HPS5: variants seen among roughly 807,000 people sequenced by gnomAD.
The protein encoded by HPS5 is HPS5 biogenesis of lysosomal organelles complex 2 subunit 2, also known as BLOC-2 complex member HPS5.
A neutral mutation model predicts 128.0 loss-of-function variants in HPS5; 83 were observed. That is an observed-to-expected ratio of 0.65 (90% CI 0.54 to 0.78). HPS5 has a LOEUF of 0.78. Among genes scored for constraint, HPS5 ranks in the 30% least tolerant of loss-of-function variants. The pLI is 0.00. For missense variants in HPS5, 1,281 were observed against 1,326.2 expected, an observed-to-expected ratio of 0.97 and a Z score of 0.53; for synonymous variants, 475 against 470.2, an observed-to-expected ratio of 1.01 and a Z score of -0.13.
At chr11:18,306,080 G>A (rs1237026694) in intron 7 of HPS5, 55 bp downstream of exon 7, 17 of 1,227,870 alleles carry the variant, frequency 1.4e-5, no homozygotes, top group East Asian at 4.6e-5. Flanking sequence ...GATTTTCACC[G>A]AACCTCTATA....
intron 8 of HPS5, among the ~76,000 whole-genome samples, chr11:18,303,032 T>A (rs1316303928): frequency 6.6e-6 from 1 of 152,082 alleles, no homozygotes; most frequent in Non-Finnish European, 1.5e-5. Flanking sequence ...AATGGGGACA[T>A]AAGCCTAACA....
At chr11:18,280,193 C>A (rs924774471) in intron 22 of HPS5, among the ~76,000 whole-genome samples, 3 of 152,132 alleles carry the variant, frequency 2.0e-5, no homozygotes, top group Non-Finnish European at 4.4e-5. Flanking sequence ...AACACCCAAC[C>A]TGATTCAACA....
At chr11:18,309,217 G>C in intron 5 of HPS5, 138 bp from the exon 6 acceptor site, 3 of 808,086 alleles carry the variant, frequency 3.7e-6, no homozygotes, top group South Asian at 1.6e-5. Context: ...TAATTTGCTT[G>C]TAAGGATATC....
rs373739888 is a variant in HPS5, at chr11:18,297,043, TA to T, written c.1324-60del. 130 of 1,077,904 alleles carry T rather than the reference TA, an allele frequency of 1.2e-4. No individual in the cohort carries two copies. The African/African-American group carries it at 1.6e-3, about 13-fold the overall frequency. The allele number at this position is 1,077,904 out of a possible 1,614,324, so 66.8% of individuals were successfully genotyped here. A position where few individuals can be genotyped will look rare whatever the true frequency, so the allele number is the denominator to read the frequency against. On this transcript the variant is annotated intron_variant, in intron 11 of 22. Transcript: ENST00000349215. Reference sequence around the variant, plus strand: ...GTAAAAATTTCCTTTATAACGTTAATATAACTTCTGCAGAGAAATACCAACA... The same window carrying T: ...GTAAAAATTTCCTTTATAACGTTAATTAACTTCTGCAGAGAAATACCAACA...
intron 4 of HPS5, 120 bp from the exon 5 acceptor site, chr11:18,311,053 G>A: frequency 2.6e-6 from 2 of 782,790 alleles, no homozygotes; most frequent in Non-Finnish European, 4.4e-6. Context: ...AAAAGAGGAA[G>A]TATTATAAAA....
Position 18,296,097 on chromosome 11 carries a change from C to G in HPS5, c.1536G>C (p.Met512Ile). The change falls in exon 13 of 23, where the codon ATG becomes ATC. Residue 512 changes from methionine (M) to isoleucine (I), a missense_variant. Met to Ile is a conservative substitution (Grantham distance 10, BLOSUM62 1). Transcript: ENST00000349215. ...NEDNVSHAPV[M>I]FETDKNETFL... is the part of the protein sequence containing the mutation. ...AAGTTTCATTCTTATCTGTCTCAAACATCACTGGAGCATGAGAAACATTGT... is the reference window on the plus strand; with the variant it reads ...AAGTTTCATTCTTATCTGTCTCAAAGATCACTGGAGCATGAGAAACATTGT... 6.2e-7 allele frequency: 1 copy of G among 1,613,406 alleles called. No individual in the cohort carries two copies. Among genetic ancestry groups the G allele is most frequent in the Non-Finnish European group, 8.5e-7 (1 of 1,179,398 alleles).
chr11:18,321,049 A>T (rs1388921807), intron 1 of HPS5, among the ~76,000 whole-genome samples: 1 of 152,284 alleles, frequency 6.6e-6, no homozygotes, highest in African/African-American at 2.4e-5. Flanking sequence ...ATAAAGAGGA[A>T]CAGCAGAATG....
In HPS5 at chr11:18,286,583, T is replaced by C; in HGVS notation, c.2837+8A>G. ...GAAAAAAACAAAGAAAGAGGACTTC[T>C]TCTGTACCTGGGATAACCTTCATCA... On this transcript the variant is annotated splice_region_variant and intron_variant, in intron 19 of 22. Transcript: ENST00000349215. 1 of 1,613,530 alleles carries C rather than the reference T, an allele frequency of 6.2e-7. No homozygotes were observed. The highest frequency in any genetic ancestry group is 8.5e-7 in the Non-Finnish European group (1 of 1,179,778).
intron 10 of HPS5, 101 bp downstream of exon 10, chr11:18,298,691 A>C: frequency 8.7e-7 from 1 of 1,143,068 alleles, no homozygotes; most frequent in East Asian, 2.3e-5. Context: ...TAGGTCACAC[A>C]GACAGGGTTA....
chr11:18,285,794 C>G (rs934242802), intron 19 of HPS5, among the ~76,000 whole-genome samples: 1 of 152,176 alleles, frequency 6.6e-6, no homozygotes, highest in Non-Finnish European at 1.5e-5. Flanking sequence ...TTTTAAGAAG[C>G]TTCTCCTGGG....
At chr11:18,284,949 C>T (rs1859507697) in intron 20 of HPS5, among the ~76,000 whole-genome samples, 1 of 152,118 alleles carries the variant, frequency 6.6e-6, no homozygotes, top group Admixed American at 6.5e-5. Context: ...AAAATCTCAC[C>T]TCCTCCTTGA....
At chr11:18,287,092 A>G (rs1859842900) in intron 18 of HPS5, among the ~76,000 whole-genome samples, 1 of 152,184 alleles carries the variant, frequency 6.6e-6, no homozygotes, top group Non-Finnish European at 1.5e-5. Context: ...AATCAAAAGA[A>G]GAAAGGAGGA....
chr11:18,284,640 C>T (rs2134225113), intron 20 of HPS5, among the ~76,000 whole-genome samples: 1 of 152,304 alleles, frequency 6.6e-6, no homozygotes, highest in Non-Finnish European at 1.5e-5. Context: ...TCACCCACCA[C>T]CTGGCCAGAC....
chr11:18,286,917 A>AC (rs1425811322), intron 18 of HPS5: 1 of 639,556 alleles, frequency 1.6e-6, no homozygotes, highest in South Asian at 1.9e-5. Context: ...AAAGAAAAAA[A>AC]AAAAGGGAGA....
intron 16 of HPS5, among the ~76,000 whole-genome samples, chr11:18,290,125 T>C (rs937360730): frequency 1.3e-5 from 2 of 152,180 alleles, no homozygotes; most frequent in African/African-American, 4.8e-5. Flanking sequence ...ACTTTCTACA[T>C]GCTTTCCCCA....
intron 14 of HPS5, among the ~76,000 whole-genome samples, chr11:18,293,670 T>C (rs1860718449): frequency 6.6e-6 from 1 of 152,160 alleles, no homozygotes; most frequent in Non-Finnish European, 1.5e-5. Flanking sequence ...AGCATTGTGA[T>C]ATGAAAGCAG....
chr11:18,312,381 T>C (rs1389608677), intron 2 of HPS5, among the ~76,000 whole-genome samples: 1 of 152,216 alleles, frequency 6.6e-6, no homozygotes, highest in Non-Finnish European at 1.5e-5. Flanking sequence ...TACCAGAAGA[T>C]AAAGCAACCA....
At position 18,279,228 on chromosome 11, in the gene HPS5, TCTCA is replaced by T. The variant is rs1189412350; in HGVS notation, c.*650_*653del. On this transcript the variant is annotated 3_prime_UTR_variant, in exon 23 of 23. Coordinates refer to ENST00000349215, the MANE Select transcript of HPS5 (RefSeq NM_181507.2). ...TTTTTTATTTTTTGTAGAGATGCAT[TCTCA>T]CTATGTTGCCCAGGCTGGTCTTGAA... 2 of 152,504 alleles carry T rather than the reference TCTCA, an allele frequency of 1.3e-5. No homozygotes were observed. Among genetic ancestry groups the T allele is most frequent in the Non-Finnish European group, 2.9e-5 (2 of 68,306 alleles). 9.4% of individuals were successfully genotyped at this position (152,504 alleles called of 1,614,324 possible).
At chr11:18,311,716 G>A in intron 3 of HPS5, 198 bp downstream of exon 3, 1 of 617,330 alleles carries the variant, frequency 1.6e-6, no homozygotes, top group Non-Finnish European at 2.9e-6. Flanking sequence ...TCACCATGTT[G>A]GCCAGGCTGG....
Sources: gnomAD v4.1 joint callset for allele counts (sites outside exome capture counted in the v4.1 genomes callset) on GRCh38, gnomAD v4.1.1 for gene constraint, MANE v1.5 for transcripts, NCBI Gene and HGNC (gene_info 2026-07-23, HGNC 2026-07-21) for gene names.